Variants in CELF1 observed in about 807,000 individuals in gnomAD.
CELF1 encodes CUGBP Elav-like family member 1, also known as 50 kDa nuclear polyadenylated RNA-binding protein.
CELF1 carries 10 observed loss-of-function variants against 61.8 expected under a neutral mutation model. That is an observed-to-expected ratio of 0.16 (90% CI 0.10 to 0.27). CELF1 has a LOEUF of 0.27. Ranked by LOEUF, CELF1 falls within the 10% of genes least tolerant of loss-of-function variation. CELF1 has a pLI of 1.00. For synonymous variants in CELF1, 236 were observed against 225.1 expected, an observed-to-expected ratio of 1.05 and a Z score of -0.43; for missense variants, 380 against 639.1, an observed-to-expected ratio of 0.59 and a Z score of 4.37.
Position 47,477,337 on chromosome 11 carries a change from G to A in CELF1, c.933C>T (p.Leu311=). The A allele has an allele frequency of 6.2e-7, 1 of 1,614,128 alleles. No individual in the cohort carries two copies. Among genetic ancestry groups the A allele is most frequent in the Non-Finnish European group, 8.5e-7 (1 of 1,179,996 alleles). The part of the protein sequence containing the change: ...AQNTPSGTNA[L]TTSSSPLSVL... ...CGCTGAGGGGACTGCTGGATGTAGT[G>A]AGAGCATTGGTACCACTTGGTGTGT... The change falls in exon 11 of 15, where the codon CTC becomes CTT. Residue 311 remains leucine, a synonymous_variant. Coordinates refer to ENST00000687097, the MANE Select transcript of CELF1 (RefSeq NM_001376376.1).
chr11:47,469,187 G>GAGC lies in CELF1; in HGVS notation c.*3040_*3042dup, dbSNP rs2077165244. The GAGC allele has an allele frequency of 6.6e-6, 1 of 152,186 alleles. No individual in the cohort carries two copies. The highest frequency in any genetic ancestry group is 6.5e-5 in the Admixed American group (1 of 15,274). 9.4% of individuals were successfully genotyped at this position (152,186 alleles called of 1,614,324 possible). ...AACTCCTAAGAGAAGGTCTCCAGGG[G>GAGC]AGCAGAGCCTCAGCCTCTCTCCCCA... is the stretch of plus-strand genomic sequence containing the variant. On this transcript the variant is annotated 3_prime_UTR_variant, in exon 15 of 15. Coordinates refer to ENST00000687097, the MANE Select transcript of CELF1 (RefSeq NM_001376376.1).
intron 1 of CELF1, among the ~76,000 whole-genome samples, chr11:47,513,075 A>G (rs1245590433): frequency 6.6e-6 from 1 of 152,236 alleles, no homozygotes. Context: ...GGATGGGACT[A>G]GATTAATCTA....
chr11:47,560,790 G>C (rs2097222518), intron 2 of CELF1, among the ~76,000 whole-genome samples: 1 of 152,118 alleles, frequency 6.6e-6, no homozygotes, highest in Non-Finnish European at 1.5e-5. Context: ...GGGCATAATG[G>C]ACTCTCAGTA....
chr11:47,534,256 C>G (rs964000762), intron 1 of CELF1, among the ~76,000 whole-genome samples: 3 of 150,974 alleles, frequency 2.0e-5, no homozygotes, highest in African/African-American at 7.3e-5. Flanking sequence ...TCTCGAACTC[C>G]TGACCTCAGG....
At chr11:47,472,429 G>A (rs2078005640) in intron 14 of CELF1, 72 bp from the exon 15 acceptor site, 2 of 1,518,126 alleles carry the variant, frequency 1.3e-6, no homozygotes, top group Non-Finnish European at 1.8e-6. Flanking sequence ...CCTTATGCAA[G>A]ATACCTTATG....
At chr11:47,479,695 C>T (rs1408616142) in intron 9 of CELF1, among the ~76,000 whole-genome samples, 1 of 152,218 alleles carries the variant, frequency 6.6e-6, no homozygotes, top group East Asian at 1.9e-4. Flanking sequence ...TATTGGCAAA[C>T]CACAACCTTC....
chr11:47,475,490 G>A lies in CELF1; in HGVS notation c.1119C>T (p.Ser373=). 5.0e-6 allele frequency: 8 copies of A among 1,614,006 alleles called. No individual in the cohort carries two copies. Among genetic ancestry groups the A allele is most frequent in the Non-Finnish European group, 6.8e-6 (8 of 1,180,032 alleles). ...GMAALNGGLG[S]SGLSNGTGST... is the part of the protein sequence containing the mutation. ...TCCCGGTGCCATTGGAAAGGCCACTGCTGCCCAGGCCACCATTTAAAGCAG... is the reference window on the plus strand; with the variant it reads ...TCCCGGTGCCATTGGAAAGGCCACTACTGCCCAGGCCACCATTTAAAGCAG... Residue 373 remains serine (S), a synonymous_variant, in exon 13 of 15, where the codon AGC becomes AGT. Transcript: ENST00000687097.
At chr11:47,484,219 G>C (rs1402177811) in intron 7 of CELF1, among the ~76,000 whole-genome samples, 170 bp downstream of exon 7, 2 of 151,824 alleles carry the variant, frequency 1.3e-5, no homozygotes, top group African/African-American at 4.8e-5. Flanking sequence ...TGTGGTCCCA[G>C]CTACTCAGGA....
Position 47,519,512 on chromosome 11 carries a change from T to G in CELF1, c.-153-18580A>C, listed in dbSNP as rs148147265. On this transcript the variant is annotated intron_variant, in intron 1 of 14. Transcript: ENST00000687097. ...ATAAATAAATAAATAAATAAATAAATAAATAAATAAATAAGGTACTTCAAT... is the reference window on the plus strand; with the variant it reads ...ATAAATAAATAAATAAATAAATAAAGAAATAAATAAATAAGGTACTTCAAT... Among the ~76,000 whole-genome samples the G allele has an allele frequency of 2.2e-3, 331 of 150,666 alleles. 2 individuals carry two copies. The highest frequency in any genetic ancestry group is 7.7e-3 in the African/African-American group (316 of 41,210).
At chr11:47,519,415 G>A (rs2095743673) in intron 1 of CELF1, among the ~76,000 whole-genome samples, 1 of 151,990 alleles carries the variant, frequency 6.6e-6, no homozygotes, top group Admixed American at 6.6e-5. Flanking sequence ...GGGAGGCACA[G>A]GTTGCAGTGA....
intron 1 of CELF1, among the ~76,000 whole-genome samples, chr11:47,551,132 A>G (rs2097127222): frequency 6.6e-6 from 1 of 152,152 alleles, no homozygotes; most frequent in Non-Finnish European, 1.5e-5. Context: ...GTTCTAGAAA[A>G]GATATTCCAT....
upstream of CELF1, chr11:47,553,240 T>G (rs945256403): frequency 1.0e-5 from 4 of 381,754 alleles, no homozygotes; most frequent in Non-Finnish European, 1.9e-5. Context: ...GCAGCGCCGA[T>G]GCGAGCGGAG....
intron 3 of CELF1, among the ~76,000 whole-genome samples, chr11:47,492,432 G>A (rs990708182): frequency 1.3e-5 from 2 of 151,982 alleles, no homozygotes; most frequent in African/African-American, 4.8e-5. Flanking sequence ...CTACCATGAT[G>A]AAAAAAAGCC....
chr11:47,533,499 G>A (rs1435097464), intron 1 of CELF1, among the ~76,000 whole-genome samples: 1 of 152,136 alleles, frequency 6.6e-6, no homozygotes, highest in Non-Finnish European at 1.5e-5. Flanking sequence ...GTGTATGCCT[G>A]TAGTCCCAGC....
intron 1 of CELF1, among the ~76,000 whole-genome samples, chr11:47,521,247 G>A (rs966516195): frequency 1.3e-5 from 2 of 152,078 alleles, no homozygotes; most frequent in African/African-American, 4.8e-5. Flanking sequence ...GAGAGACTCC[G>A]TCTCCAAAAA....
chr11:47,536,960 G>A (rs962049316), intron 1 of CELF1, among the ~76,000 whole-genome samples: 1 of 152,102 alleles, frequency 6.6e-6, no homozygotes, highest in Non-Finnish European at 1.5e-5. Flanking sequence ...AAACAGCCTA[G>A]AAACAAAAAG....
At chr11:47,527,355 C>T (rs926405471) in intron 1 of CELF1, among the ~76,000 whole-genome samples, 9 of 152,174 alleles carry the variant, frequency 5.9e-5, no homozygotes, top group Admixed American at 1.3e-4. Context: ...CGTGCCACCG[C>T]ACTCCGGCCT....
intron 1 of CELF1, among the ~76,000 whole-genome samples, chr11:47,535,641 T>C (rs1406077729): frequency 7.0e-6 from 1 of 142,872 alleles, no homozygotes; most frequent in Non-Finnish European, 1.5e-5. Context: ...GTTGCACCAC[T>C]GCACTCCAGC....
At chr11:47,495,227 T>C (rs998273405) in intron 3 of CELF1, among the ~76,000 whole-genome samples, 5 of 152,156 alleles carry the variant, frequency 3.3e-5, no homozygotes, top group African/African-American at 4.8e-5. Flanking sequence ...CAAAAGACAA[T>C]GGGTCATGCT....
Sources: gnomAD v4.1 joint callset for allele counts (sites outside exome capture counted in the v4.1 genomes callset) on GRCh38, gnomAD v4.1.1 for gene constraint, MANE v1.5 for transcripts, NCBI Gene and HGNC (gene_info 2026-07-23, HGNC 2026-07-21) for gene names.